KIRREL3: variants seen among roughly 807,000 people sequenced by gnomAD.
KIRREL3 encodes kirre like nephrin family adhesion molecule 3, also known as kin of IRRE-like protein 3.
A neutral mutation model predicts 89.7 loss-of-function variants in KIRREL3; 36 were observed. That is an observed-to-expected ratio of 0.40 (90% CI 0.31 to 0.53). The LOEUF (loss-of-function observed/expected upper bound fraction) is 0.53, where lower values mean the gene tolerates loss of function less well. KIRREL3 is among the 20% of genes least tolerant of loss of function. KIRREL3 has a pLI of 0.49. For missense variants in KIRREL3, 864 were observed against 1,056.6 expected (o/e 0.82, Z 2.53); for synonymous variants, 445 against 441.4 (o/e 1.01, Z -0.10).
intron 7 of KIRREL3, among the ~76,000 whole-genome samples, chr11:126,450,686 G>A (rs912015736): frequency 1.5e-5 from 2 of 135,028 alleles, no homozygotes; most frequent in African/African-American, 2.9e-5. Context: ...TGTGCATGGT[G>A]CGTGTGTGGT....
At chr11:126,425,918 G>C (rs958596623) in intron 15 of KIRREL3, among the ~76,000 whole-genome samples, 194 bp from the exon 16 acceptor site, 1 of 152,228 alleles carries the variant, frequency 6.6e-6, no homozygotes, top group African/African-American at 2.4e-5. Context: ...AGTTGAGGGG[G>C]GTGGGTGAGT....
Position 126,890,667 on chromosome 11 carries a change from C to A in KIRREL3, c.55+109788G>T, listed in dbSNP as rs1015282505. On this transcript the variant is annotated intron_variant, in intron 1 of 16. Transcript: ENST00000525144. This position sits in a 1 kb window ranked among gnomAD's most constrained non-coding sequence, Gnocchi z 5.1. ...CCAAGCAGCTTCTATCAGCTTTTCT[C>A]TTTCTTTACAGGCCCTGCCCAAATA... Among the ~76,000 whole-genome samples the A allele has an allele frequency of 6.6e-6, 1 of 152,230 alleles. No individual in the cohort carries two copies. The highest frequency in any genetic ancestry group is 2.1e-4 in the South Asian group (1 of 4,830).
rs945453493 is a variant in KIRREL3 at position 126,755,408 on chromosome 11, A to G, written c.56-192496T>C. 7.2e-5 allele frequency among the ~76,000 whole-genome samples: 11 copies of G among 152,214 alleles called. No individual in the cohort carries two copies. Among genetic ancestry groups the G allele is most frequent in the African/African-American group, 1.2e-4 (5 of 41,444 alleles). Reference sequence around the variant, plus strand: ...CATGACAGGAAAAGAACCCAGCTTCATGAAGAAATTCTAATTTTCAGCAGT... The same window carrying G: ...CATGACAGGAAAAGAACCCAGCTTCGTGAAGAAATTCTAATTTTCAGCAGT... On this transcript the variant is annotated intron_variant, in intron 1 of 16. Coordinates refer to ENST00000525144, the MANE Select transcript of KIRREL3 (RefSeq NM_032531.4). The surrounding 1 kb of genome is among the most constrained non-coding windows in gnomAD (Gnocchi z 4.3).
At position 126,428,554 on chromosome 11, in the gene KIRREL3, ATTATATG is replaced by A. The variant is rs1441006317; in HGVS notation, c.1806+618_1806+624del. Among the ~76,000 whole-genome samples, 1 of 151,908 alleles carries A rather than the reference ATTATATG, an allele frequency of 6.6e-6. No homozygotes were observed. The highest frequency in any genetic ancestry group is 1.5e-5 in the Non-Finnish European group (1 of 67,972). ...GTGTGTGTGCGGGGGAGGGGAGGGGATTATATGTTATATAACAACATATTGTGGCAAT... is the reference window on the plus strand; with the variant it reads ...GTGTGTGTGCGGGGGAGGGGAGGGGATTATATAACAACATATTGTGGCAAT... On this transcript the variant is annotated intron_variant, in intron 15 of 16. Coordinates refer to ENST00000525144, the MANE Select transcript of KIRREL3 (RefSeq NM_032531.4). The surrounding 1 kb of genome is among the most constrained non-coding windows in gnomAD (Gnocchi z 6.4).
intron 1 of KIRREL3, among the ~76,000 whole-genome samples, chr11:126,865,560 C>T (rs1227555908): frequency 1.3e-5 from 2 of 152,206 alleles, no homozygotes; most frequent in African/African-American, 4.8e-5. Flanking sequence ...GCAAGTCCCT[C>T]ATGGAGGTCT....
chr11:126,446,247 TTCTCTTTCTTTTCTTTCTC>T lies in KIRREL3; in HGVS notation c.1125+493_1125+511del, dbSNP rs1419903741. On this transcript the variant is annotated intron_variant, in intron 9 of 16. Coordinates refer to ENST00000525144, the MANE Select transcript of KIRREL3 (RefSeq NM_032531.4). ...GGGGGAAGTTTAAAAGGCTCTTTCT[TTCTCTTTCTTTTCTTTCTC>T]TCTCTTTCTTTTCTTTCTCCTTTCT... Among the ~76,000 whole-genome samples the T allele has an allele frequency of 4.1e-3, 609 of 147,490 alleles. 5 individuals are homozygous for T. Among genetic ancestry groups the T allele is most frequent in the African/African-American group, 0.015 (580 of 39,638 alleles).
At chr11:126,743,885 T>C (rs905843240) in intron 1 of KIRREL3, among the ~76,000 whole-genome samples, 2 of 152,156 alleles carry the variant, frequency 1.3e-5, no homozygotes, top group Non-Finnish European at 2.9e-5. Context: ...TGTATATGAG[T>C]GTGTGTGAGA....
chr11:126,673,678 C>T lies in KIRREL3; in HGVS notation c.56-110766G>A, dbSNP rs139718966. Among the ~76,000 whole-genome samples the T allele has an allele frequency of 2.7e-3, 416 of 152,288 alleles. 1 individual carries two copies. The highest frequency in any genetic ancestry group is 4.3e-3 in the Non-Finnish European group (292 of 68,012). ...CACACGTGTGCCTTCCATGGGATGT[C>T]CTGGAGCAGGACAGGGAGGAGTGTG... On this transcript the variant is annotated intron_variant, in intron 1 of 16. Coordinates refer to ENST00000525144, the MANE Select transcript of KIRREL3 (RefSeq NM_032531.4).
At chr11:126,493,226 G>A (rs1212692201) in intron 4 of KIRREL3, among the ~76,000 whole-genome samples, 1 of 152,198 alleles carries the variant, frequency 6.6e-6, no homozygotes, top group African/African-American at 2.4e-5. Flanking sequence ...ATCATGCAAT[G>A]AGAATTGGAG....
At chr11:126,760,470 G>A (rs1275971551) in intron 1 of KIRREL3, among the ~76,000 whole-genome samples, 2 of 152,232 alleles carry the variant, frequency 1.3e-5, no homozygotes, top group Non-Finnish European at 2.9e-5. Flanking sequence ...GCTGCTTCAT[G>A]GTCAATCTTG....
In KIRREL3 at chr11:126,896,769, C is replaced by G. The variant is rs1448414021; in HGVS notation, c.55+103686G>C. On this transcript the variant is annotated intron_variant, in intron 1 of 16. Transcript: ENST00000525144. This position sits in a 1 kb window ranked among gnomAD's most constrained non-coding sequence, Gnocchi z 4.1. ...TCTGACCTGTGGAGATTCATTCTCA[C>G]CACGTGTTCCAACTCTAGAACTATG... Among the ~76,000 whole-genome samples, 1 of 152,172 alleles carries G rather than the reference C, an allele frequency of 6.6e-6. No homozygotes were observed. The highest frequency in any genetic ancestry group is 2.4e-5 in the African/African-American group (1 of 41,436).
At position 126,802,908 on chromosome 11, in the gene KIRREL3, C is replaced by T. The variant is rs1246800686; in HGVS notation, c.55+197547G>A. Among the ~76,000 whole-genome samples the T allele has an allele frequency of 1.3e-5, 2 of 152,102 alleles. No individual in the cohort carries two copies. Among genetic ancestry groups the T allele is most frequent in the African/African-American group, 4.8e-5 (2 of 41,406 alleles). On this transcript the variant is annotated intron_variant, in intron 1 of 16. Transcript: ENST00000525144. The surrounding 1 kb of genome is among the most constrained non-coding windows in gnomAD (Gnocchi z 5.2). The stretch of plus-strand genomic sequence containing the variant: ...TGGCTTTGTTATATGGTGTTTTGCT[C>T]AAGGTTGTAGTTTCCAAGAACCTAT...
At position 126,463,550 on chromosome 11, in the gene KIRREL3, A is replaced by G. The variant is rs188928406; in HGVS notation, c.592-243T>C. Among the ~76,000 whole-genome samples the G allele has an allele frequency of 1.3e-5, 2 of 152,344 alleles. No homozygotes were observed. Among genetic ancestry groups the G allele is most frequent in the East Asian group, 3.9e-4 (2 of 5,174 alleles). On this transcript the variant is annotated intron_variant, in intron 5 of 16. Transcript: ENST00000525144. The surrounding 1 kb of genome is among the most constrained non-coding windows in gnomAD (Gnocchi z 5.9). ...GAACTAGACAGTTTTCCACCATGTGAAAATTAGCCTGGATTCACATGCTAA... is the reference window on the plus strand; with the variant it reads ...GAACTAGACAGTTTTCCACCATGTGGAAATTAGCCTGGATTCACATGCTAA...
intron 10 of KIRREL3, 122 bp from the exon 11 acceptor site, chr11:126,440,671 T>C: frequency 6.7e-6 from 6 of 902,096 alleles, no homozygotes; most frequent in Non-Finnish European, 1.1e-5. Context: ...GCCGAAGGCC[T>C]GTATGTGCAA....
Position 126,993,423 on chromosome 11 carries a change from C to T in KIRREL3, c.55+7032G>A, listed in dbSNP as rs151278763. On this transcript the variant is annotated intron_variant, in intron 1 of 16. Transcript: ENST00000525144. This position sits in a 1 kb window ranked among gnomAD's most constrained non-coding sequence, Gnocchi z 6.1. ...GTAAGGTATGTAAGAGACTGGAAAT[C>T]GCTTTTCATGCTTCGTTTAGAGAAC... Among the ~76,000 whole-genome samples the T allele has an allele frequency of 2.9e-3, 448 of 152,320 alleles. 3 individuals are homozygous for T. Among genetic ancestry groups the T allele is most frequent in the Non-Finnish European group, 5.1e-3 (350 of 68,036 alleles).
chr11:126,655,988 A>C lies in KIRREL3; in HGVS notation c.56-93076T>G, dbSNP rs867488591. ...TGGGTGGGGCTGAAGGAGGGGTGGGAGGAGGCCTTAGAAGCTAATTAGAAT... is the reference window on the plus strand; with the variant it reads ...TGGGTGGGGCTGAAGGAGGGGTGGGCGGAGGCCTTAGAAGCTAATTAGAAT... On this transcript the variant is annotated intron_variant, in intron 1 of 16. Coordinates refer to ENST00000525144, the MANE Select transcript of KIRREL3 (RefSeq NM_032531.4). This position sits in a 1 kb window ranked among gnomAD's most constrained non-coding sequence, Gnocchi z 5.0. The C allele has an allele frequency of 1.1e-5, 3 of 271,968 alleles. No individual in the cohort carries two copies. Among genetic ancestry groups the C allele is most frequent in the Admixed American group, 4.2e-5 (1 of 23,812 alleles). The allele number at this position is 271,968 out of a possible 1,614,324, so 16.8% of individuals were successfully genotyped here.
chr11:126,978,614 A>G lies in KIRREL3; in HGVS notation c.55+21841T>C, dbSNP rs1949642260. Reference sequence around the variant, plus strand: ...CTCCGTGTGGGTCCCTGAGTGGTCTACGTTCTCCCATGCTTCCCAGGCTTT... The same window carrying G: ...CTCCGTGTGGGTCCCTGAGTGGTCTGCGTTCTCCCATGCTTCCCAGGCTTT... On this transcript the variant is annotated intron_variant, in intron 1 of 16. Coordinates refer to ENST00000525144, the MANE Select transcript of KIRREL3 (RefSeq NM_032531.4). The surrounding 1 kb of genome is among the most constrained non-coding windows in gnomAD (Gnocchi z 4.2). 6.6e-6 allele frequency among the ~76,000 whole-genome samples: 1 copy of G among 151,996 alleles called. No individual in the cohort carries two copies. The highest frequency in any genetic ancestry group is 2.4e-5 in the African/African-American group (1 of 41,364).
intron 1 of KIRREL3, among the ~76,000 whole-genome samples, chr11:126,757,368 A>C (rs1949538952): frequency 6.6e-6 from 1 of 152,212 alleles, no homozygotes; most frequent in Non-Finnish European, 1.5e-5. Context: ...CAGAGGTTTC[A>C]TAATACAAAT....
chr11:126,424,520 G>C lies in KIRREL3; in HGVS notation c.*60C>G. ...CTCTGCAAAGTACCCCTCGTCCCTG[G>C]ACAACCAGAACGTGCCCTGACCTCT... is the stretch of plus-strand genomic sequence containing the variant. On this transcript the variant is annotated 3_prime_UTR_variant, in exon 17 of 17. Transcript: ENST00000525144. 6.5e-7 allele frequency: 1 copy of C among 1,544,996 alleles called. No homozygotes were observed. Among genetic ancestry groups the C allele is most frequent in the Non-Finnish European group, 8.9e-7 (1 of 1,129,832 alleles).
Sources: allele counts gnomAD v4.1 joint callset (sites outside exome capture counted in the v4.1 genomes callset), GRCh38; gene constraint gnomAD v4.1.1; non-coding constraint Gnocchi (gnomAD v3.1); transcripts MANE v1.5; gene names NCBI Gene and HGNC (gene_info 2026-07-23, HGNC 2026-07-21).